TENM1: variants seen among roughly 807,000 people sequenced by gnomAD.
TENM1 encodes teneurin transmembrane protein 1.
TENM1 carries 35 observed loss-of-function variants against 174.8 expected under a neutral mutation model. That is an observed-to-expected ratio of 0.20 (90% CI 0.15 to 0.27). The LOEUF (loss-of-function observed/expected upper bound fraction) is 0.27. Among genes scored for constraint, TENM1 ranks in the 10% least tolerant of loss-of-function variants. TENM1 has a pLI of 1.00. For synonymous variants in TENM1, 781 were observed against 798.7 expected (o/e 0.98, Z 0.37); for missense variants, 1,633 against 2,130.1 (o/e 0.77, Z 4.59).
At chrX:124,638,090 C>A (rs974845079) in intron 11 of TENM1, among the ~76,000 whole-genome samples, 2 of 111,460 alleles carry the variant, frequency 1.8e-5, no homozygotes, top group African/African-American at 6.5e-5. Flanking sequence ...TTTTTTCCCT[C>A]ATCATTTCAT....
intron 6 of TENM1, among the ~76,000 whole-genome samples, chrX:124,663,846 A>T (rs2051673969): frequency 9.0e-6 from 1 of 111,004 alleles, no homozygotes; most frequent in South Asian, 3.8e-4. Flanking sequence ...GTGAATTTTT[A>T]ATACAATAAA....
rs759104331 is a variant in TENM1 at position 124,391,819 on chromosome X, T to C, written c.5688+233A>G. On this transcript the variant is annotated intron_variant, in intron 28 of 31. Coordinates refer to ENST00000422452, the Ensembl canonical transcript of TENM1. ...TCAAATGAGGAGAAAGCTAAGCCGTTATTCTGACTTTAGTCTGAAAGAGTA... is the reference window on the plus strand; with the variant it reads ...TCAAATGAGGAGAAAGCTAAGCCGTCATTCTGACTTTAGTCTGAAAGAGTA... Among the ~76,000 whole-genome samples, 27 of 112,131 alleles carry C rather than the reference T, an allele frequency of 2.4e-4. 1 individual carries two copies. Among genetic ancestry groups the C allele is most frequent in the African/African-American group, 7.8e-4 (24 of 30,899 alleles).
At chrX:125,059,641 C>T in the TENM1 span, among the ~76,000 whole-genome samples, 58 of 111,394 alleles carry the variant, frequency 5.2e-4, no homozygotes, top group Middle Eastern at 4.6e-3. Context: ...ACTGTTTTTT[C>T]TCTATCTCTA....
At chrX:124,520,715 C>G in exon 18 of TENM1, 1 of 1,208,928 alleles carries the variant, frequency 8.3e-7, no homozygotes, top group Non-Finnish European at 1.1e-6. Flanking sequence ...GTTTTATACC[C>G]AGGGGTGCGG....
At chrX:124,916,142 T>A (rs930334387) in intron 1 of TENM1, among the ~76,000 whole-genome samples, 1 of 111,535 alleles carries the variant, frequency 9.0e-6, no homozygotes, top group African/African-American at 3.3e-5. Flanking sequence ...AAAAAACCAT[T>A]GTTTTACCCC....
At chrX:124,631,796 A>G (rs186565677) in intron 11 of TENM1, among the ~76,000 whole-genome samples, 268 of 100,643 alleles carry the variant, frequency 2.7e-3, no homozygotes, top group African/African-American at 9.0e-3. Context: ...GCTACTTGGG[A>G]GGCTGAGGCA....
At chrX:124,771,589 A>AATGC (rs1462769575) in intron 3 of TENM1, among the ~76,000 whole-genome samples, 1 of 112,525 alleles carries the variant, frequency 8.9e-6, no homozygotes, top group Non-Finnish European at 1.9e-5. Flanking sequence ...GTCAGTTTAA[A>AATGC]ATGCACTGGA....
chrX:124,533,816 G>A (rs997635168), intron 15 of TENM1, among the ~76,000 whole-genome samples: 1 of 111,799 alleles, frequency 8.9e-6, no homozygotes, highest in Non-Finnish European at 1.9e-5. Flanking sequence ...GGTTTTGTGT[G>A]TCTATATGTG....
At chrX:125,148,136 C>T in the TENM1 span, among the ~76,000 whole-genome samples, 1 of 111,288 alleles carries the variant, frequency 9.0e-6, no homozygotes, top group Non-Finnish European at 1.9e-5. Flanking sequence ...CGTAATGCCT[C>T]ATCTGAAAAC....
At chrX:125,041,695 T>C in the TENM1 span, among the ~76,000 whole-genome samples, 83 of 112,066 alleles carry the variant, frequency 7.4e-4, 1 homozygote, top group Non-Finnish European at 1.3e-3. Context: ...GACATTTGCA[T>C]TATGATTTTT....
At chrX:124,432,559 C>T (rs2060792441) in intron 23 of TENM1, among the ~76,000 whole-genome samples, 1 of 111,662 alleles carries the variant, frequency 9.0e-6, no homozygotes, top group Admixed American at 9.5e-5. Flanking sequence ...CAGGTATGCA[C>T]CACCACAACT....
At chrX:124,716,272 C>G (rs905652386) in intron 4 of TENM1, among the ~76,000 whole-genome samples, 9 of 111,682 alleles carry the variant, frequency 8.1e-5, no homozygotes, top group Admixed American at 5.7e-4. Context: ...TCACCAACAC[C>G]CATGTTCTCC....
chrX:125,039,619 T>C, the TENM1 span, among the ~76,000 whole-genome samples: 1 of 111,607 alleles, frequency 9.0e-6, no homozygotes, highest in Non-Finnish European at 1.9e-5. Flanking sequence ...AAGGTTCTTA[T>C]TGCAACTGAA....
the TENM1 span, among the ~76,000 whole-genome samples, chrX:125,029,059 T>C: frequency 9.0e-6 from 1 of 111,715 alleles, no homozygotes; most frequent in African/African-American, 3.3e-5. Flanking sequence ...GAAATTTTTC[T>C]TCAGTTTAGG....
chrX:125,055,113 A>T, the TENM1 span, among the ~76,000 whole-genome samples: 6 of 111,733 alleles, frequency 5.4e-5, no homozygotes, highest in Admixed American at 1.9e-4. Context: ...TAAGCAAATT[A>T]TATATTAATA....
At chrX:124,655,023 C>T (rs943004308) in intron 6 of TENM1, among the ~76,000 whole-genome samples, 1 of 111,928 alleles carries the variant, frequency 8.9e-6, no homozygotes, top group African/African-American at 3.2e-5. Context: ...TTAATGCGTA[C>T]AAGAAGGCAG....
chrX:125,184,219 C>A, the TENM1 span, among the ~76,000 whole-genome samples: 1 of 112,022 alleles, frequency 8.9e-6, no homozygotes, highest in Non-Finnish European at 1.9e-5. Context: ...CTGATCCATT[C>A]ATTCACATTA....
rs187475408 is a variant in TENM1, at chrX:124,406,813, T to C, written c.4983-324A>G. On this transcript the variant is annotated intron_variant, in intron 25 of 31. Coordinates refer to ENST00000422452, the Ensembl canonical transcript of TENM1. ...GTTGCAGGGAGGCCTCCGTTTGCGA[T>C]TTGGGTCGATCCCATTAGAGGTGAT... Among the ~76,000 whole-genome samples, 36 of 111,476 alleles carry C rather than the reference T, an allele frequency of 3.2e-4. 1 individual carries two copies. In the East Asian group the frequency reaches 9.4e-3, roughly 29 times the overall value.
At chrX:124,892,011 T>C (rs2057484356) in intron 3 of TENM1, among the ~76,000 whole-genome samples, 1 of 111,728 alleles carries the variant, frequency 9.0e-6, no homozygotes, top group South Asian at 3.7e-4. Flanking sequence ...GGATATAAAA[T>C]ACACAACTCT....
Sources: gnomAD v4.1 joint callset for allele counts (sites outside exome capture counted in the v4.1 genomes callset) on GRCh38, gnomAD v4.1.1 for gene constraint, MANE v1.5 for transcripts, NCBI Gene and HGNC (gene_info 2026-07-23, HGNC 2026-07-21) for gene names.